The following GRID2 variants were observed in gnomAD, a reference collection of about 807,000 sequenced individuals.
GRID2 encodes the protein glutamate receptor ionotropic, delta-2.
GRID2 carries 33 observed loss-of-function variants against 114.8 expected under a neutral mutation model. The ratio of observed to expected loss-of-function variants is 0.29; its 90% CI spans 0.22 to 0.38. The LOEUF (loss-of-function observed/expected upper bound fraction) is 0.38, where lower values mean the gene tolerates loss of function less well. GRID2 is among the 10% of genes least tolerant of loss of function. The pLI, the probability that GRID2 is intolerant of heterozygous loss-of-function variation, is 1.00. For missense variants in GRID2, 1,184 were observed against 1,257.7 expected, an observed-to-expected ratio of 0.94 and a Z score of 0.89; for synonymous variants, 505 against 449.9, an observed-to-expected ratio of 1.12 and a Z score of -1.55.
intron 2 of GRID2, among the ~76,000 whole-genome samples, chr4:92,690,240 A>T (rs548624752): frequency 6.6e-6 from 1 of 152,172 alleles, no homozygotes; most frequent in South Asian, 2.1e-4. Flanking sequence ...TCTTCAGTTG[A>T]ACACTTAGAG....
chr4:92,462,061 T>C (rs930717002), intron 1 of GRID2, among the ~76,000 whole-genome samples: 1 of 152,078 alleles, frequency 6.6e-6, no homozygotes, highest in African/African-American at 2.4e-5. Context: ...GTAATAGGTA[T>C]TGTTTTGAAA....
intron 2 of GRID2, among the ~76,000 whole-genome samples, chr4:92,664,808 A>G (rs1732688146): frequency 1.3e-5 from 2 of 151,058 alleles, no homozygotes; most frequent in South Asian, 4.1e-4. Flanking sequence ...ACCTTTTTAA[A>G]TTTAATGTCC....
intron 2 of GRID2, among the ~76,000 whole-genome samples, chr4:93,048,518 A>G (rs1726382492): frequency 6.6e-6 from 1 of 151,968 alleles, no homozygotes; most frequent in Non-Finnish European, 1.5e-5. Context: ...AATCACAGTT[A>G]TTTGACCTAA....
chr4:92,954,258 C>T (rs1193685682), intron 2 of GRID2, among the ~76,000 whole-genome samples: 1 of 151,976 alleles, frequency 6.6e-6, no homozygotes, highest in Non-Finnish European at 1.5e-5. Context: ...AACACATACA[C>T]ACATATATAT....
chr4:93,788,169 T>C (rs570137133), intron 1 of GRID2, among the ~76,000 whole-genome samples: 12 of 152,022 alleles, frequency 7.9e-5, no homozygotes, highest in African/African-American at 2.7e-4. Context: ...ATACAAAATA[T>C]TAGCCAGGCA....
chr4:92,607,113 T>G (rs1215778779), intron 2 of GRID2, among the ~76,000 whole-genome samples: 1 of 151,992 alleles, frequency 6.6e-6, no homozygotes, highest in Non-Finnish European at 1.5e-5. Flanking sequence ...GGTTGCAATT[T>G]TTTGAATTTT....
intron 2 of GRID2, among the ~76,000 whole-genome samples, chr4:92,651,980 G>A (rs923588006): frequency 6.6e-6 from 1 of 152,110 alleles, no homozygotes; most frequent in Non-Finnish European, 1.5e-5. Context: ...GAAGGCATGT[G>A]TCAGGAGTGG....
chr4:93,110,190 G>C (rs973279544), intron 3 of GRID2, among the ~76,000 whole-genome samples: 3 of 152,090 alleles, frequency 2.0e-5, no homozygotes, highest in Non-Finnish European at 4.4e-5. Context: ...TAATTAAATA[G>C]ATTAAAATGC....
At chr4:93,098,461 A>G (rs1425545718) in intron 3 of GRID2, among the ~76,000 whole-genome samples, 2 of 151,926 alleles carry the variant, frequency 1.3e-5, no homozygotes, top group Non-Finnish European at 2.9e-5. Context: ...ATGCCATAAT[A>G]AAAGAGTCTT....
intron 1 of GRID2, among the ~76,000 whole-genome samples, chr4:92,563,727 G>A (rs954548470): frequency 2.6e-5 from 4 of 152,006 alleles, no homozygotes; most frequent in Non-Finnish European, 5.9e-5. Flanking sequence ...TTTATGTAAA[G>A]TTAATGACAT....
chr4:93,242,994 G>T (rs565938727), intron 8 of GRID2, among the ~76,000 whole-genome samples: 8 of 151,860 alleles, frequency 5.3e-5, no homozygotes, highest in Non-Finnish European at 8.8e-5. Context: ...ATGTTCCTAT[G>T]TCCCAACTCC....
chr4:93,789,537 A>C (rs1397934787), intron 1 of GRID2, among the ~76,000 whole-genome samples: 1 of 152,204 alleles, frequency 6.6e-6, no homozygotes, highest in Admixed American at 6.5e-5. Context: ...TACAGCACAA[A>C]AAAGTACATT....
intron 4 of GRID2, among the ~76,000 whole-genome samples, chr4:93,171,773 C>T (rs1347572354): frequency 6.6e-6 from 1 of 152,124 alleles, no homozygotes; most frequent in African/African-American, 2.4e-5. Context: ...TGCTCAGTAT[C>T]GCTCAATGAT....
chr4:93,301,138 C>T (rs929510982), intron 8 of GRID2, among the ~76,000 whole-genome samples: 1 of 152,116 alleles, frequency 6.6e-6, no homozygotes, highest in African/African-American at 2.4e-5. Flanking sequence ...TCTCTCTCTT[C>T]CCTCAATACA....
rs559058410 is a variant in GRID2, at chr4:92,684,780, A to T, written c.244+94494A>T. Among the ~76,000 whole-genome samples, 34 of 152,226 alleles carry T rather than the reference A, an allele frequency of 2.2e-4. No homozygotes were observed. The South Asian group carries it at 7.0e-3, about 32-fold the overall frequency. On this transcript the variant is annotated intron_variant, in intron 2 of 15. Coordinates refer to ENST00000282020, the MANE Select transcript of GRID2 (RefSeq NM_001510.4). ...ATATAATGAAGCCAAGGAAATAAGG[A>T]TAACATAATGTTTGTGGTTGTCAGA... is the stretch of plus-strand genomic sequence containing the variant.
At chr4:93,475,283 A>AT (rs1471970470) in intron 11 of GRID2, among the ~76,000 whole-genome samples, 1 of 152,156 alleles carries the variant, frequency 6.6e-6, no homozygotes, top group African/African-American at 2.4e-5. Flanking sequence ...CAACTCTTTA[A>AT]AATACTCTCC....
intron 2 of GRID2, among the ~76,000 whole-genome samples, chr4:92,640,238 T>G (rs543941182): frequency 1.3e-5 from 2 of 151,894 alleles, no homozygotes; most frequent in Admixed American, 1.3e-4. Context: ...GAAAAGAAAG[T>G]GCCACATGTG....
intron 13 of GRID2, among the ~76,000 whole-genome samples, chr4:93,565,525 G>A (rs1270212816): frequency 2.0e-5 from 3 of 151,908 alleles, no homozygotes; most frequent in Non-Finnish European, 2.9e-5. Flanking sequence ...TCTGTTGCAC[G>A]AAAAAACCTA....
rs574953636 is a variant in GRID2 at position 92,322,661 on chromosome 4, A to C, written c.88+17917A>C. 2.6e-5 allele frequency among the ~76,000 whole-genome samples: 4 copies of C among 152,232 alleles called. No individual in the cohort carries two copies. In the South Asian group the frequency reaches 8.3e-4, roughly 32 times the overall value. ...GCACCCTAGTATTAGAATACTGCCTATGGGCCTGTGATCAGCTTGAAGTTT... is the reference window on the plus strand; with the variant it reads ...GCACCCTAGTATTAGAATACTGCCTCTGGGCCTGTGATCAGCTTGAAGTTT... On this transcript the variant is annotated intron_variant, in intron 1 of 15. Transcript: ENST00000282020.
Sources: gnomAD v4.1 joint callset for allele counts (sites outside exome capture counted in the v4.1 genomes callset) on GRCh38, gnomAD v4.1.1 for gene constraint, MANE v1.5 for transcripts, NCBI Gene and HGNC (gene_info 2026-07-23, HGNC 2026-07-21) for gene names.